CELF2: variants seen among roughly 807,000 people sequenced by gnomAD.
CELF2 encodes CUG triplet repeat RNA-binding protein 2.
Under a neutral mutation model 62.6 loss-of-function variants are expected in CELF2, and 8 were observed. That is an observed-to-expected ratio of 0.13 (90% CI 0.07 to 0.23). The LOEUF is 0.23. Among genes scored for constraint, CELF2 ranks in the 10% least tolerant of loss-of-function variants. The pLI is 1.00. For missense variants in CELF2, 333 were observed against 671.0 expected (o/e 0.50, Z 5.56); for synonymous variants, 258 against 250.0 (o/e 1.03, Z -0.30).
At chr10:11,169,157 A>G (rs2068083548) in intron 2 of CELF2, 1 of 152,242 alleles carries the variant, frequency 6.6e-6, no homozygotes, top group Non-Finnish European at 1.5e-5. Flanking sequence ...GAGCTAGGAT[A>G]CAGTAGGAGC....
At chr10:10,515,916 C>T in the CELF2 span, among the ~76,000 whole-genome samples, 1 of 152,180 alleles carries the variant, frequency 6.6e-6, no homozygotes, top group Non-Finnish European at 1.5e-5. Flanking sequence ...CAACGTTTTT[C>T]TTGCTTAGTC....
intron 7 of CELF2, among the ~76,000 whole-genome samples, chr10:11,274,829 A>T (rs973093524): frequency 5.1e-5 from 6 of 116,980 alleles, no homozygotes; most frequent in Non-Finnish European, 9.5e-5. Context: ...AAATTGATTA[A>T]TTGTTTTAAG....
At chr10:11,123,263 T>C (rs1027798747) in intron 1 of CELF2, among the ~76,000 whole-genome samples, 7 of 152,120 alleles carry the variant, frequency 4.6e-5, no homozygotes. Flanking sequence ...TTTAAATTTT[T>C]TTTTAGAGAC....
At chr10:10,817,690 T>C (rs538191042) in intron 1 of CELF2, among the ~76,000 whole-genome samples, 1 of 152,360 alleles carries the variant, frequency 6.6e-6, no homozygotes, top group East Asian at 1.9e-4. Context: ...CCATTGTGTA[T>C]ACGTACCACA....
intron 2 of CELF2, among the ~76,000 whole-genome samples, chr10:10,935,698 C>T (rs770786597): frequency 2.0e-5 from 3 of 152,104 alleles, no homozygotes; most frequent in Non-Finnish European, 4.4e-5. Flanking sequence ...AGGAATTAAT[C>T]CCTGAAAAGC....
the CELF2 span, among the ~76,000 whole-genome samples, chr10:10,737,626 C>T: frequency 6.6e-6 from 1 of 152,074 alleles, no homozygotes; most frequent in East Asian, 1.9e-4. Flanking sequence ...GTTCCATCCT[C>T]TGCCTGAATC....
intron 1 of CELF2, among the ~76,000 whole-genome samples, chr10:10,874,499 A>G (rs2060964438): frequency 6.6e-6 from 1 of 152,030 alleles, no homozygotes; most frequent in Non-Finnish European, 1.5e-5. Context: ...GCTGATAACT[A>G]TGAGTTAAAA....
At chr10:10,996,665 T>C (rs186777869) in intron 2 of CELF2, among the ~76,000 whole-genome samples, 2 of 152,344 alleles carry the variant, frequency 1.3e-5, no homozygotes, top group East Asian at 3.9e-4. Context: ...TTTCAACCCT[T>C]TTATAATGCC....
chr10:11,054,084 A>C (rs959605013), intron 1 of CELF2, among the ~76,000 whole-genome samples: 27 of 152,356 alleles, frequency 1.8e-4, no homozygotes, highest in African/African-American at 6.3e-4. Flanking sequence ...TTAGTAAGCA[A>C]CACATAATTC....
intron 1 of CELF2, among the ~76,000 whole-genome samples, chr10:10,808,516 G>A (rs1382656622): frequency 6.6e-6 from 1 of 152,070 alleles, no homozygotes; most frequent in Non-Finnish European, 1.5e-5. Flanking sequence ...ATTTTAGGAA[G>A]GCAAAGCTGT....
intron 1 of CELF2, among the ~76,000 whole-genome samples, chr10:10,804,860 A>G (rs1193055941): frequency 6.6e-6 from 1 of 152,188 alleles, no homozygotes; most frequent in Non-Finnish European, 1.5e-5. Flanking sequence ...GATGCATCCC[A>G]GATTCACAGA....
At chr10:11,184,780 C>G (rs1241158449) in intron 2 of CELF2, among the ~76,000 whole-genome samples, 1 of 152,130 alleles carries the variant, frequency 6.6e-6, no homozygotes, top group Non-Finnish European at 1.5e-5. Flanking sequence ...ATTCTAGTAG[C>G]TTTTTTAAAG....
chr10:10,975,657 G>C (rs1380161017), intron 2 of CELF2, among the ~76,000 whole-genome samples: 5 of 152,200 alleles, frequency 3.3e-5, no homozygotes, highest in Non-Finnish European at 7.3e-5. Context: ...ATCATTTTAA[G>C]CTAGTATTTT....
rs559937406 is a variant in CELF2, at chr10:11,181,261, C to T, written c.271+15579C>T. Among the ~76,000 whole-genome samples, 17 of 152,288 alleles carry T rather than the reference C, an allele frequency of 1.1e-4. No homozygotes were observed. The South Asian group carries it at 1.7e-3, about 15-fold the overall frequency. On this transcript the variant is annotated intron_variant, in intron 2 of 12. Transcript: ENST00000633077. ...TTGTTCGGTTCCAGGGTTTCTGTAG[C>T]GTGGAGCTGGGCACATCTCTCTGCC... is the stretch of plus-strand genomic sequence containing the variant.
rs1591428210 is a variant in CELF2 at position 11,318,363 on chromosome 10, C to T, written c.1097-2826C>T. ...CGAGCCCCTGGCTGGAGAGGCCAAA[C>T]CCTCCCCGTGTCCCCTGACTGGTCC... On this transcript the variant is annotated intron_variant, in intron 10 of 12. Transcript: ENST00000633077. This position sits in a 1 kb window ranked among gnomAD's most constrained non-coding sequence, Gnocchi z 5.4. 5.0e-6 allele frequency: 1 copy of T among 201,008 alleles called. No individual in the cohort carries two copies. Among genetic ancestry groups the T allele is most frequent in the Non-Finnish European group, 1.0e-5 (1 of 98,058 alleles). 12.5% of individuals were successfully genotyped at this position (201,008 alleles called of 1,614,324 possible).
At chr10:10,516,429 AC>A in the CELF2 span, among the ~76,000 whole-genome samples, 1 of 152,348 alleles carries the variant, frequency 6.6e-6, no homozygotes, top group African/African-American at 2.4e-5. Context: ...CTAAATTGCT[AC>A]TGTTTATTTT....
chr10:10,575,562 C>T, the CELF2 span, among the ~76,000 whole-genome samples: 1 of 152,132 alleles, frequency 6.6e-6, no homozygotes, highest in Admixed American at 6.6e-5. Flanking sequence ...TCCACCATCA[C>T]GTAAAAAGAT....
At chr10:11,119,417 TC>T (rs149815633) in intron 1 of CELF2, among the ~76,000 whole-genome samples, 8,492 of 152,246 alleles carry the variant, frequency 0.056, 286 homozygotes, top group Middle Eastern at 0.065. Flanking sequence ...AGACCTCATT[TC>T]TTTCATAGCA....
At chr10:11,169,179 G>A (rs1450266520) in intron 2 of CELF2, 2 of 152,212 alleles carry the variant, frequency 1.3e-5, no homozygotes, top group East Asian at 1.9e-4. Context: ...GGTTATGGCA[G>A]TCATGATGAT....
Sources: allele counts gnomAD v4.1 joint callset (sites outside exome capture counted in the v4.1 genomes callset), GRCh38; gene constraint gnomAD v4.1.1; non-coding constraint Gnocchi (gnomAD v3.1); transcripts MANE v1.5; gene names NCBI Gene and HGNC (gene_info 2026-07-23, HGNC 2026-07-21).